WNT9A: variants seen among roughly 807,000 people sequenced by gnomAD.
WNT9A encodes the protein Wnt family member 9A.
A neutral mutation model predicts 31.4 loss-of-function variants in WNT9A; 8 were observed. The ratio of observed to expected loss-of-function variants is 0.26; its 90% CI spans 0.15 to 0.46. The LOEUF (loss-of-function observed/expected upper bound fraction) is 0.46. WNT9A is among the 20% of genes least tolerant of loss of function. WNT9A has a pLI of 0.99. For missense variants in WNT9A, 457 were observed against 522.9 expected, an observed-to-expected ratio of 0.87 and a Z score of 1.23; for synonymous variants, 236 against 220.1, an observed-to-expected ratio of 1.07 and a Z score of -0.64.
chr1:227,944,902 G>A (rs1319116696), intron 1 of WNT9A, among the ~76,000 whole-genome samples: 1 of 152,166 alleles, frequency 6.6e-6, no homozygotes, highest in Non-Finnish European at 1.5e-5. Flanking sequence ...ACCTCATCCC[G>A]AGCCAGCCCA....
intron 3 of WNT9A, among the ~76,000 whole-genome samples, chr1:227,923,620 G>A (rs150898865): frequency 1.5e-4 from 23 of 152,268 alleles, no homozygotes; most frequent in Non-Finnish European, 3.2e-4. Context: ...CACGGAGAGG[G>A]CTGGTGGGGC....
At chr1:227,923,992 C>T (rs772218397) in intron 3 of WNT9A, 146 bp downstream of exon 3, 325 of 1,171,458 alleles carry the variant, frequency 2.8e-4, no homozygotes, top group Non-Finnish European at 3.6e-4. Flanking sequence ...TGGCGCTGCA[C>T]GGCCTCCACC....
At chr1:227,935,281 C>T (rs1666575357) in intron 1 of WNT9A, among the ~76,000 whole-genome samples, 1 of 152,090 alleles carries the variant, frequency 6.6e-6, no homozygotes, top group Non-Finnish European at 1.5e-5. Flanking sequence ...GGGCCTGAGT[C>T]AGACACAGTT....
rs141158848 is a variant in WNT9A, at chr1:227,945,797, T to C, written c.95+1996A>G. On this transcript the variant is annotated intron_variant, in intron 1 of 3. Coordinates refer to ENST00000272164, the MANE Select transcript of WNT9A (RefSeq NM_003395.4). Reference sequence around the variant, plus strand: ...TCCGCACAACCCAGCCTGGAGCCCTTTGTGCCCTGCTTCCCCTCCCCAGCC... The same window carrying C: ...TCCGCACAACCCAGCCTGGAGCCCTCTGTGCCCTGCTTCCCCTCCCCAGCC... Among the ~76,000 whole-genome samples, 866 of 152,116 alleles carry C rather than the reference T, an allele frequency of 5.7e-3. 7 individuals are homozygous for C. Among genetic ancestry groups the C allele is most frequent in the African/African-American group, 0.019 (805 of 41,496 alleles).
rs981038824 is a variant in WNT9A, at chr1:227,926,788, C to A, written c.96-1269G>T. ...GGTGCCAGCTTGGGAAGGCTCCCCCCACACCCTCACATGGCCCTGCTAGAC... is the reference window on the plus strand; with the variant it reads ...GGTGCCAGCTTGGGAAGGCTCCCCCAACACCCTCACATGGCCCTGCTAGAC... On this transcript the variant is annotated intron_variant, in intron 1 of 3. Coordinates refer to ENST00000272164, the MANE Select transcript of WNT9A (RefSeq NM_003395.4). The surrounding 1 kb of genome is among the most constrained non-coding windows in gnomAD (Gnocchi z 5.0). 5.3e-5 allele frequency among the ~76,000 whole-genome samples: 8 copies of A among 152,032 alleles called. No homozygotes were observed. Among genetic ancestry groups the A allele is most frequent in the African/African-American group, 1.2e-4 (5 of 41,428 alleles).
At position 227,942,921 on chromosome 1, in the gene WNT9A, C is replaced by G; in HGVS notation, c.95+4872G>C. On this transcript the variant is annotated intron_variant, in intron 1 of 3. Transcript: ENST00000272164. The surrounding 1 kb of genome is among the most constrained non-coding windows in gnomAD (Gnocchi z 5.7). The stretch of plus-strand genomic sequence containing the variant: ...TCCTTCCCAGGCTTCTCTTGCCCAG[C>G]ACACAGCCCCATGATTCCACACCTC... 6.6e-6 allele frequency among the ~76,000 whole-genome samples: 1 copy of G among 152,206 alleles called. No individual in the cohort carries two copies. The highest frequency in any genetic ancestry group is 1.9e-4 in the East Asian group (1 of 5,180).
chr1:227,928,003 G>C lies in WNT9A; in HGVS notation c.96-2484C>G, dbSNP rs1325571081. Among the ~76,000 whole-genome samples the C allele has an allele frequency of 6.6e-6, 1 of 151,914 alleles. No individual in the cohort carries two copies. The highest frequency in any genetic ancestry group is 1.5e-5 in the Non-Finnish European group (1 of 67,932). Reference sequence around the variant, plus strand: ...AGAGGGCAGGGGAGGAGGAGGAGGGGGAGAAGCCCCATCTACCAGAGCCAC... The same window carrying C: ...AGAGGGCAGGGGAGGAGGAGGAGGGCGAGAAGCCCCATCTACCAGAGCCAC... On this transcript the variant is annotated intron_variant, in intron 1 of 3. Transcript: ENST00000272164. The surrounding 1 kb of genome is among the most constrained non-coding windows in gnomAD (Gnocchi z 4.5).
chr1:227,947,017 C>T (rs1666805504), intron 1 of WNT9A, among the ~76,000 whole-genome samples: 1 of 152,188 alleles, frequency 6.6e-6, no homozygotes, highest in African/African-American at 2.4e-5. Flanking sequence ...GCGCCCAAAG[C>T]GCAGCGAGGG....
In WNT9A at chr1:227,921,925, G is replaced by A. The variant is rs774741934; in HGVS notation, c.691C>T (p.Arg231Trp). The A allele has an allele frequency of 1.9e-6, 3 of 1,612,998 alleles. No homozygotes were observed. The highest frequency in any genetic ancestry group is 2.5e-6 in the Non-Finnish European group (3 of 1,179,948). Residue 231 changes from arginine to tryptophan, a missense_variant, in exon 4 of 4, where the codon CGG becomes TGG. By Grantham distance (101) the Arg-to-Trp change is moderately radical. Transcript: ENST00000272164. ...ACCTCATGGAAAGGCGCCAACTGCC[G>A]CCAGCAGGTCCGCACCGTGCATGAG... Reference protein sequence around the residue: ...SGSCTVRTCWRQLAPFHEVGK... With the variant: ...SGSCTVRTCWWQLAPFHEVGK...
rs1666454334 is a variant in WNT9A at position 227,928,354 on chromosome 1, G to A, written c.96-2835C>T. 6.6e-6 allele frequency among the ~76,000 whole-genome samples: 1 copy of A among 152,100 alleles called. No individual in the cohort carries two copies. The highest frequency in any genetic ancestry group is 2.1e-4 in the South Asian group (1 of 4,826). The stretch of plus-strand genomic sequence containing the variant: ...CCAGGCAGGGTGGGCAGGGTGGGCC[G>A]TTGGCACTGTCAGAAGGGTGTGGAG... On this transcript the variant is annotated intron_variant, in intron 1 of 3. Coordinates refer to ENST00000272164, the MANE Select transcript of WNT9A (RefSeq NM_003395.4). The surrounding 1 kb of genome is among the most constrained non-coding windows in gnomAD (Gnocchi z 4.5).
chr1:227,937,123 T>G (rs565762900), intron 1 of WNT9A, among the ~76,000 whole-genome samples: 4 of 152,362 alleles, frequency 2.6e-5, no homozygotes. Flanking sequence ...CCTTACTTAC[T>G]TTTCTCCCCC....
chr1:227,947,802 G>A lies in WNT9A; in HGVS notation c.86C>T (p.Ala29Val). ...LLLAALRPSA[A>V]YFGLTGSEPL... ...CGCCGAAGGCACCTACCCGAAGTAG[G>A]CGGCCGAAGGGCGCAGCGCGGCGAG... The change falls in exon 1 of 4, where the codon GCC becomes GTC. Residue 29 changes from alanine (A) to valine (V), a missense_variant. Transcript: ENST00000272164. The A allele has an allele frequency of 9.1e-7, 1 of 1,098,770 alleles. No homozygotes were observed. The highest frequency in any genetic ancestry group is 1.1e-6 in the Non-Finnish European group (1 of 903,158). 68.1% of individuals were successfully genotyped at this position (1,098,770 alleles called of 1,614,324 possible).
intron 1 of WNT9A, among the ~76,000 whole-genome samples, chr1:227,940,661 A>T (rs1374025032): frequency 6.6e-6 from 1 of 152,098 alleles, no homozygotes; most frequent in African/African-American, 2.4e-5. Flanking sequence ...CCTCCAGCCC[A>T]CTTCCCCTGG....
At position 227,920,620 on chromosome 1, in the gene WNT9A, C is replaced by T. The variant is rs1016427201; in HGVS notation, c.*898G>A. On this transcript the variant is annotated 3_prime_UTR_variant, in exon 4 of 4. Transcript: ENST00000272164. ...TTCTAGTGGTTTGAGTCTCTGAAGA[C>T]AGTGCTGGTGTTGGGGCAGCCTGGG... is the stretch of plus-strand genomic sequence containing the variant. 2 of 152,112 alleles carry T rather than the reference C, an allele frequency of 1.3e-5. No homozygotes were observed. Among genetic ancestry groups the T allele is most frequent in the Admixed American group, 6.5e-5 (1 of 15,278 alleles). 9.4% of individuals were successfully genotyped at this position (152,112 alleles called of 1,614,324 possible). A position where few individuals can be genotyped will look rare whatever the true frequency, so the allele number is the denominator to read the frequency against.
chr1:227,929,131 G>A (rs990610377), intron 1 of WNT9A, among the ~76,000 whole-genome samples: 2 of 152,112 alleles, frequency 1.3e-5, no homozygotes, highest in African/African-American at 2.4e-5. Flanking sequence ...CTTCAAACCT[G>A]TGAGCCGACA....
intron 1 of WNT9A, among the ~76,000 whole-genome samples, chr1:227,940,964 G>C (rs1666695099): frequency 6.6e-6 from 1 of 152,250 alleles, no homozygotes. Flanking sequence ...CTGGACCACG[G>C]ATGTGCTTGA....
chr1:227,936,909 T>A (rs900460630), intron 1 of WNT9A, among the ~76,000 whole-genome samples: 10 of 152,134 alleles, frequency 6.6e-5, no homozygotes, highest in African/African-American at 2.4e-4. Flanking sequence ...AAAACTCTCA[T>A]CCTCTCCCCT....
intron 1 of WNT9A, among the ~76,000 whole-genome samples, chr1:227,927,608 G>T (rs1636194): frequency 0.43 from 65,631 of 151,958 alleles, 14,377 homozygotes; most frequent in African/African-American, 0.52. Context: ...CGGCTAGGGC[G>T]GGAGGCAGGC....
chr1:227,924,947 C>A (rs928459317), intron 2 of WNT9A, among the ~76,000 whole-genome samples: 14 of 152,280 alleles, frequency 9.2e-5, no homozygotes, highest in African/African-American at 2.9e-4. Context: ...AGGCATAGCC[C>A]ACTGGGCACT....
Sources: gnomAD v4.1 joint callset for allele counts (sites outside exome capture counted in the v4.1 genomes callset) on GRCh38, gnomAD v4.1.1 for gene constraint, Gnocchi (gnomAD v3.1) non-coding constraint, MANE v1.5 for transcripts, NCBI Gene and HGNC (gene_info 2026-07-23, HGNC 2026-07-21) for gene names.